Variants in NEDD4 observed in about 807,000 individuals in gnomAD.
The protein encoded by NEDD4 is E3 ubiquitin-protein ligase NEDD4.
Under a neutral mutation model 144.9 loss-of-function variants are expected in NEDD4, and 99 were observed. The ratio of observed to expected loss-of-function variants is 0.68; its 90% CI spans 0.58 to 0.81. NEDD4 has a LOEUF of 0.81. Ranked by LOEUF, NEDD4 falls within the 30% of genes least tolerant of loss-of-function variation. NEDD4 has a pLI of 0.00. For synonymous variants in NEDD4, 318 were observed against 350.6 expected (o/e 0.91, Z 1.04); for missense variants, 985 against 1,065.9 (o/e 0.92, Z 1.06).
intron 2 of NEDD4, among the ~76,000 whole-genome samples, chr15:55,953,074 C>T (rs954102721): frequency 1.3e-5 from 2 of 151,560 alleles, no homozygotes; most frequent in Admixed American, 6.6e-5. Context: ...ACTGCAACCT[C>T]TGCCTCCTGG....
chr15:55,979,370 G>A (rs867133728), intron 1 of NEDD4, among the ~76,000 whole-genome samples: 8 of 119,434 alleles, frequency 6.7e-5, no homozygotes, highest in South Asian at 2.7e-4. Flanking sequence ...TTTTTGAGAC[G>A]GAGTCTCGCT....
At chr15:55,947,568 C>G (rs1030333668) in intron 4 of NEDD4, among the ~76,000 whole-genome samples, 17 of 152,264 alleles carry the variant, frequency 1.1e-4, no homozygotes, top group African/African-American at 4.1e-4. Flanking sequence ...GTATTCACAG[C>G]TGAATTCTAC....
chr15:55,901,766 T>A (rs1299078408), intron 5 of NEDD4, among the ~76,000 whole-genome samples: 1 of 152,160 alleles, frequency 6.6e-6, no homozygotes, highest in Non-Finnish European at 1.5e-5. Flanking sequence ...ATGTTACATA[T>A]CATGGCACTT....
At chr15:55,948,662 C>A (rs1315381051) in intron 4 of NEDD4, among the ~76,000 whole-genome samples, 1 of 152,120 alleles carries the variant, frequency 6.6e-6, no homozygotes, top group Non-Finnish European at 1.5e-5. Context: ...CATCTACAAC[C>A]ATCTGATCTT....
chr15:55,974,056 A>G (rs1024702045), intron 1 of NEDD4, among the ~76,000 whole-genome samples: 1 of 152,172 alleles, frequency 6.6e-6, no homozygotes, highest in African/African-American at 2.4e-5. Flanking sequence ...AGAAGGCCCA[A>G]ATAAATAAAA....
At chr15:55,954,995 T>C (rs987408088) in intron 2 of NEDD4, among the ~76,000 whole-genome samples, 3 of 152,160 alleles carry the variant, frequency 2.0e-5, no homozygotes, top group African/African-American at 7.2e-5. Context: ...CTGCATTGTA[T>C]TGCATTGCAC....
intron 5 of NEDD4, among the ~76,000 whole-genome samples, chr15:55,921,506 G>A (rs2036568795): frequency 6.6e-6 from 1 of 151,928 alleles, no homozygotes; most frequent in Non-Finnish European, 1.5e-5. Flanking sequence ...TGTATTTTTA[G>A]TAGAGACGCA....
chr15:55,829,964 A>T lies in NEDD4; in HGVS notation c.2636T>A (p.Phe879Tyr). Residue 879 changes from phenylalanine (F) to tyrosine (Y), a missense_variant, in exon 29 of 29, where the codon TTT becomes TAT. By Grantham distance (22) the Phe-to-Tyr change is conservative (BLOSUM62 3). Coordinates refer to ENST00000435532, the MANE Select transcript of NEDD4 (RefSeq NM_006154.4). Reference protein sequence around the residue: ...NRLDLPPYESFEELWDKLQMA... With the variant: ...NRLDLPPYESYEELWDKLQMA... Reference sequence around the variant, plus strand: ...CTGAAGTTTATCCCATAATTCTTCAAATGATTCATAAGGTGGCAAGTCCAG... The same window carrying T: ...CTGAAGTTTATCCCATAATTCTTCATATGATTCATAAGGTGGCAAGTCCAG... 1 of 1,613,642 alleles carries T rather than the reference A, an allele frequency of 6.2e-7. No homozygotes were observed. Among genetic ancestry groups the T allele is most frequent in the Non-Finnish European group, 8.5e-7 (1 of 1,179,820 alleles).
chr15:55,956,445 T>A (rs1312706064), intron 2 of NEDD4, among the ~76,000 whole-genome samples: 1 of 152,210 alleles, frequency 6.6e-6, no homozygotes, highest in Non-Finnish European at 1.5e-5. Context: ...TTTTAGCTCA[T>A]ACTAATTTTC....
intron 5 of NEDD4, among the ~76,000 whole-genome samples, chr15:55,886,757 C>CA (rs35360356): frequency 1.8e-3 from 211 of 115,280 alleles, no homozygotes; most frequent in Middle Eastern, 0.013. Context: ...GACTCCGTCT[C>CA]AAAAAAAAAA....
At chr15:55,877,728 C>A (rs1262178214) in intron 5 of NEDD4, among the ~76,000 whole-genome samples, 1 of 152,012 alleles carries the variant, frequency 6.6e-6, no homozygotes, top group Non-Finnish European at 1.5e-5. Flanking sequence ...AATTATTATT[C>A]TGCTTAAGCA....
chr15:55,939,344 C>G (rs1566960972), intron 4 of NEDD4, among the ~76,000 whole-genome samples: 1 of 152,138 alleles, frequency 6.6e-6, no homozygotes, highest in Non-Finnish European at 1.5e-5. Context: ...TCTCTTCTGT[C>G]TCCTACCATC....
intron 4 of NEDD4, among the ~76,000 whole-genome samples, chr15:55,949,163 A>C (rs1165814128): frequency 4.6e-5 from 7 of 152,234 alleles, no homozygotes; most frequent in African/African-American, 1.2e-4. Flanking sequence ...CACTTCTCAA[A>C]AGAAGCCATT....
intron 5 of NEDD4, chr15:55,916,172 A>T: frequency 6.2e-7 from 1 of 1,613,998 alleles, no homozygotes; most frequent in Non-Finnish European, 8.5e-7. Context: ...AAGGAGTAGT[A>T]TTCCTGTTTG....
At chr15:55,923,659 A>AAAAAAAAAT (rs546642962) in intron 5 of NEDD4, among the ~76,000 whole-genome samples, 1 of 135,266 alleles carries the variant, frequency 7.4e-6, no homozygotes, top group African/African-American at 2.8e-5. Flanking sequence ...AAAAAAAAAA[A>AAAAAAAAAT]ATATATATAT....
At chr15:55,949,284 T>A (rs1376707834) in intron 4 of NEDD4, among the ~76,000 whole-genome samples, 3 of 152,058 alleles carry the variant, frequency 2.0e-5, no homozygotes, top group African/African-American at 7.3e-5. Context: ...TGGCGAACAT[T>A]AAAAAGTCAG....
At chr15:55,944,837 T>G (rs2037079448) in intron 4 of NEDD4, among the ~76,000 whole-genome samples, 1 of 152,204 alleles carries the variant, frequency 6.6e-6, no homozygotes, top group African/African-American at 2.4e-5. Flanking sequence ...TTTGCTGTTC[T>G]GCAGCCTCCA....
chr15:55,943,219 G>T (rs955024523), intron 4 of NEDD4, among the ~76,000 whole-genome samples: 1 of 152,236 alleles, frequency 6.6e-6, no homozygotes, highest in African/African-American at 2.4e-5. Context: ...AATATGTGCA[G>T]CCTGATCATG....
chr15:55,837,691 C>A, intron 24 of NEDD4, 98 bp downstream of exon 24: 3 of 683,794 alleles, frequency 4.4e-6, no homozygotes, highest in South Asian at 4.5e-5. Flanking sequence ...CAAAACAAGC[C>A]ATATACTTAT....
Sources: allele counts gnomAD v4.1 joint callset (sites outside exome capture counted in the v4.1 genomes callset), GRCh38; gene constraint gnomAD v4.1.1; transcripts MANE v1.5; gene names NCBI Gene and HGNC (gene_info 2026-07-23, HGNC 2026-07-21).